Variants in BLTP1 observed in about 807,000 individuals in gnomAD.
BLTP1 encodes fragile site-associated protein.
the BLTP1 span, among the ~76,000 whole-genome samples, chr4:122,303,915 T>C: frequency 6.6e-6 from 1 of 152,206 alleles, no homozygotes. Context: ...ACTTAGTTGA[T>C]GAAGCAGTGG....
chr4:122,346,818 T>C, the BLTP1 span: 21 of 1,579,902 alleles, frequency 1.3e-5, no homozygotes, highest in African/African-American at 2.8e-4. Flanking sequence ...CTACAATTGA[T>C]AACACAAACG....
At chr4:122,216,187 GT>G in the BLTP1 span, among the ~76,000 whole-genome samples, 1 of 151,822 alleles carries the variant, frequency 6.6e-6, no homozygotes, top group South Asian at 2.1e-4. Context: ...GGGCATTAAG[GT>G]TGGTTCCATA....
the BLTP1 span, among the ~76,000 whole-genome samples, chr4:122,166,992 A>G: frequency 2.0e-5 from 3 of 152,168 alleles, no homozygotes; most frequent in Non-Finnish European, 4.4e-5. Context: ...CTTTCTGGAA[A>G]ACAAGGCTTA....
the BLTP1 span, chr4:122,167,851 G>T: frequency 1.0e-6 from 1 of 985,410 alleles, no homozygotes; most frequent in African/African-American, 1.7e-5. Flanking sequence ...AACTGTTCAG[G>T]AAGGGTAGAG....
At chr4:122,243,750 A>G in the BLTP1 span, 5 of 1,319,054 alleles carry the variant, frequency 3.8e-6, no homozygotes, top group Admixed American at 1.1e-4. Flanking sequence ...CAATTCCATA[A>G]AATTTTTAGT....
chr4:122,171,658 TTTC>T, the BLTP1 span: 2 of 189,668 alleles, frequency 1.1e-5, no homozygotes, highest in Non-Finnish European at 1.9e-5. Context: ...TTTTTTTTTT[TTTC>T]TGAGGGGATG....
At chr4:122,265,171 C>T in the BLTP1 span, among the ~76,000 whole-genome samples, 1 of 152,280 alleles carries the variant, frequency 6.6e-6, no homozygotes, top group Admixed American at 6.5e-5. Context: ...CCCCTACCCA[C>T]CCTCTGATCC....
At chr4:122,291,726 A>C in the BLTP1 span, 15 of 979,534 alleles carry the variant, frequency 1.5e-5, no homozygotes, top group Middle Eastern at 5.2e-4. Flanking sequence ...CCATCTTAGA[A>C]TTGGGCCAGG....
chr4:122,208,608 G>C, the BLTP1 span: 2 of 979,642 alleles, frequency 2.0e-6, no homozygotes, highest in African/African-American at 1.8e-5. Flanking sequence ...AAAAATATCT[G>C]TGGATACCCA....
At chr4:122,189,481 A>G in the BLTP1 span, 1 of 924,742 alleles carries the variant, frequency 1.1e-6, no homozygotes, top group Admixed American at 6.2e-5. Context: ...TAATAAGAAG[A>G]TAAAAATGAT....
At chr4:122,179,448 C>A in the BLTP1 span, among the ~76,000 whole-genome samples, 1 of 152,120 alleles carries the variant, frequency 6.6e-6, no homozygotes, top group Non-Finnish European at 1.5e-5. Context: ...AACCAGATCT[C>A]CAAGCGTGGG....
the BLTP1 span, among the ~76,000 whole-genome samples, chr4:122,337,696 T>C: frequency 6.6e-6 from 1 of 151,886 alleles, no homozygotes; most frequent in Admixed American, 6.6e-5. Context: ...TCTGGGCAGA[T>C]ATAAAGTGTA....
At chr4:122,324,142 C>T in the BLTP1 span, among the ~76,000 whole-genome samples, 19 of 151,980 alleles carry the variant, frequency 1.3e-4, 1 homozygote, top group Admixed American at 2.6e-4. Context: ...AAATCATTTC[C>T]TTTCTTCTCA....
chr4:122,248,784 G>A, the BLTP1 span, among the ~76,000 whole-genome samples: 1 of 151,988 alleles, frequency 6.6e-6, no homozygotes, highest in Admixed American at 6.6e-5. Flanking sequence ...ACTGTTGCAT[G>A]AAAATGGGAG....
the BLTP1 span, chr4:122,298,149 A>G: frequency 2.1e-4 from 155 of 732,006 alleles, 2 homozygotes; most frequent in South Asian, 8.9e-3. Flanking sequence ...ATTTGTTTTG[A>G]TTCTTATTAC....
the BLTP1 span, among the ~76,000 whole-genome samples, chr4:122,342,490 G>T: frequency 6.6e-6 from 1 of 152,096 alleles, no homozygotes; most frequent in African/African-American, 2.4e-5. Context: ...TGAGTAGCTG[G>T]GATTACAGGT....
the BLTP1 span, chr4:122,350,241 T>TA: frequency 1.0e-6 from 1 of 985,350 alleles, no homozygotes; most frequent in Non-Finnish European, 1.2e-6. Context: ...CCAATGGAAT[T>TA]AGAGGCCATC....
At chr4:122,158,505 C>T in the BLTP1 span, among the ~76,000 whole-genome samples, 3 of 152,184 alleles carry the variant, frequency 2.0e-5, no homozygotes, top group African/African-American at 7.2e-5. Context: ...CAGTGGCTCA[C>T]TCCTGTAATC....
the BLTP1 span, among the ~76,000 whole-genome samples, chr4:122,171,444 G>C: frequency 6.6e-6 from 1 of 152,102 alleles, no homozygotes; most frequent in Admixed American, 6.6e-5. Flanking sequence ...AGGAAATGAG[G>C]AAGGGAAAGA....
Sources: allele counts gnomAD v4.1 joint callset (sites outside exome capture counted in the v4.1 genomes callset), GRCh38; gene constraint gnomAD v4.1.1; transcripts MANE v1.5; gene names NCBI Gene and HGNC (gene_info 2026-07-23, HGNC 2026-07-21).